Variants in PTPRD observed in about 807,000 individuals in gnomAD.
PTPRD encodes receptor-type tyrosine-protein phosphatase delta.
Under a neutral mutation model 214.5 loss-of-function variants are expected in PTPRD, and 34 were observed. The observed-to-expected ratio is 0.16, with a 90% CI of 0.12 to 0.21. The LOEUF (loss-of-function observed/expected upper bound fraction) is 0.21. PTPRD is among the 10% of genes least tolerant of loss of function. PTPRD has a pLI of 1.00. For synonymous variants in PTPRD, 1,128 were observed against 845.7 expected (o/e 1.33, Z -5.79); for missense variants, 2,545 against 2,398.7 (o/e 1.06, Z -1.27).
At chr9:8,808,834 T>G (rs1210375836) in intron 11 of PTPRD, among the ~76,000 whole-genome samples, 1 of 152,070 alleles carries the variant, frequency 6.6e-6, no homozygotes, top group Admixed American at 6.6e-5. Context: ...GGATATGGTG[T>G]CCCGAAATAT....
At chr9:9,298,305 T>G (rs1953906783) in intron 9 of PTPRD, among the ~76,000 whole-genome samples, 1 of 151,686 alleles carries the variant, frequency 6.6e-6, no homozygotes, top group African/African-American at 2.4e-5. Context: ...TAAACATCCT[T>G]TGTACATGAA....
rs902645295 is a variant in PTPRD at position 9,827,033 on chromosome 9, G to A, written c.-367-60182C>T. Reference sequence around the variant, plus strand: ...ACAAACAAATGGAAGAACATTCCATGCTCATGGATAAGAAGAATCAATATC... The same window carrying A: ...ACAAACAAATGGAAGAACATTCCATACTCATGGATAAGAAGAATCAATATC... On this transcript the variant is annotated intron_variant, in intron 5 of 45. Coordinates refer to ENST00000381196, the MANE Select transcript of PTPRD (RefSeq NM_002839.4). Among the ~76,000 whole-genome samples, 10 of 152,258 alleles carry A rather than the reference G, an allele frequency of 6.6e-5. No individual in the cohort carries two copies. The East Asian group carries it at 1.9e-3, about 29-fold the overall frequency.
chr9:8,780,266 T>A (rs1382275945), intron 11 of PTPRD, among the ~76,000 whole-genome samples: 1 of 152,132 alleles, frequency 6.6e-6, no homozygotes, highest in Non-Finnish European at 1.5e-5. Flanking sequence ...ATTCAAGAGG[T>A]TCTCATTTGA....
At chr9:9,192,025 C>T (rs561553503) in intron 9 of PTPRD, among the ~76,000 whole-genome samples, 67 of 152,042 alleles carry the variant, frequency 4.4e-4, no homozygotes, top group African/African-American at 1.5e-3. Context: ...TGTACTGCTT[C>T]TGAAAAATTT....
At chr9:8,787,537 TA>T (rs1203721688) in intron 11 of PTPRD, among the ~76,000 whole-genome samples, 5 of 152,000 alleles carry the variant, frequency 3.3e-5, no homozygotes, top group Non-Finnish European at 4.4e-5. Flanking sequence ...CTATATTGGT[TA>T]AAAAAAAGAT....
chr9:10,133,187 G>T (rs767083707), intron 3 of PTPRD, among the ~76,000 whole-genome samples: 2 of 152,160 alleles, frequency 1.3e-5, no homozygotes, highest in Non-Finnish European at 1.5e-5. Context: ...AGATTTTGGG[G>T]ATGGAGATCA....
intron 4 of PTPRD, among the ~76,000 whole-genome samples, chr9:10,028,608 T>C (rs2096977962): frequency 6.6e-6 from 1 of 152,146 alleles, no homozygotes; most frequent in Non-Finnish European, 1.5e-5. Flanking sequence ...AGGTGACTTT[T>C]GCTATTTCTT....
intron 7 of PTPRD, among the ~76,000 whole-genome samples, chr9:9,595,902 C>T (rs2154332863): frequency 6.6e-6 from 1 of 151,684 alleles, no homozygotes; most frequent in Admixed American, 6.6e-5. Context: ...AAAGAACTTG[C>T]TCATGTAATC....
At chr9:9,069,177 T>G (rs1449694122) in intron 10 of PTPRD, among the ~76,000 whole-genome samples, 1 of 152,236 alleles carries the variant, frequency 6.6e-6, no homozygotes, top group Non-Finnish European at 1.5e-5. Flanking sequence ...AGACAAGAAC[T>G]AATTTAGTGA....
At chr9:9,823,953 G>C (rs780526953) in intron 5 of PTPRD, among the ~76,000 whole-genome samples, 13 of 151,898 alleles carry the variant, frequency 8.6e-5, no homozygotes, top group Non-Finnish European at 1.5e-4. Context: ...CACATTTTAT[G>C]TTTGTATCAA....
chr9:8,650,502 G>T lies in PTPRD; in HGVS notation c.65-13658C>A, dbSNP rs575190601. Among the ~76,000 whole-genome samples, 279 of 138,314 alleles carry T rather than the reference G, an allele frequency of 2.0e-3. 3 individuals are homozygous for T. The highest frequency in any genetic ancestry group is 7.1e-3 in the African/African-American group (264 of 37,006). The allele number at this position is 138,314 out of a possible 152,430, so 90.7% of individuals were successfully genotyped here. A position where few individuals can be genotyped will look rare whatever the true frequency, so the allele number is the denominator to read the frequency against. The stretch of plus-strand genomic sequence containing the variant: ...ATCGTGTCATTGCACTCCAGCCTGG[G>T]CAAAAAGAGCAAAAAACTCCGCCTC... On this transcript the variant is annotated intron_variant, in intron 12 of 45. Transcript: ENST00000381196.
At chr9:9,837,904 G>A (rs566223536) in intron 5 of PTPRD, among the ~76,000 whole-genome samples, 2 of 152,264 alleles carry the variant, frequency 1.3e-5, no homozygotes, top group Admixed American at 6.5e-5. Context: ...ATCTCCTAAT[G>A]TTATCCCTCC....
chr9:8,935,130 T>G (rs768942187), intron 11 of PTPRD, among the ~76,000 whole-genome samples: 5 of 152,126 alleles, frequency 3.3e-5, no homozygotes, highest in Non-Finnish European at 7.4e-5. Context: ...TGAACATAGG[T>G]ACACAGATAT....
At chr9:8,331,518 G>T in intron 44 of PTPRD, 64 bp downstream of exon 44, 6 of 1,574,596 alleles carry the variant, frequency 3.8e-6, no homozygotes, top group Non-Finnish European at 5.2e-6. Flanking sequence ...ACTACAAAAA[G>T]TGTATACAGA....
chr9:9,175,952 T>TG (rs2099924585), intron 10 of PTPRD, among the ~76,000 whole-genome samples: 1 of 152,188 alleles, frequency 6.6e-6, no homozygotes, highest in African/African-American at 2.4e-5. Flanking sequence ...GTCTTTTATA[T>TG]ATCACTCTTG....
chr9:8,584,386 C>A (rs549202983), intron 14 of PTPRD, among the ~76,000 whole-genome samples: 4 of 151,768 alleles, frequency 2.6e-5, no homozygotes, highest in African/African-American at 4.8e-5. Flanking sequence ...CAGATGCTAG[C>A]CTCCCTTAGA....
chr9:10,239,218 A>C (rs967884178), intron 3 of PTPRD, among the ~76,000 whole-genome samples: 2 of 151,976 alleles, frequency 1.3e-5, no homozygotes, highest in Admixed American at 6.6e-5. Flanking sequence ...CCATCAGGCA[A>C]AGTCACATTA....
chr9:8,713,335 G>C (rs2098385353), intron 12 of PTPRD: 4 of 892,896 alleles, frequency 4.5e-6, no homozygotes, highest in Non-Finnish European at 7.3e-6. Context: ...CACACTAAGA[G>C]AGTACAAAGT....
intron 39 of PTPRD, among the ~76,000 whole-genome samples, chr9:8,367,899 A>G (rs10815835): frequency 0.088 from 13,386 of 152,234 alleles, 640 homozygotes; most frequent in Middle Eastern, 0.11. Context: ...CTATGAAAGA[A>G]ATACCACTAT....
Sources: gnomAD v4.1 joint callset for allele counts (sites outside exome capture counted in the v4.1 genomes callset) on GRCh38, gnomAD v4.1.1 for gene constraint, MANE v1.5 for transcripts, NCBI Gene and HGNC (gene_info 2026-07-23, HGNC 2026-07-21) for gene names.